MRTFB: variants seen among roughly 807,000 people sequenced by gnomAD.
MRTFB encodes myocardin-related transcription factor B.
MRTFB carries 29 observed loss-of-function variants against 104.2 expected under a neutral mutation model. That is an observed-to-expected ratio of 0.28 (90% confidence interval 0.21 to 0.38). MRTFB has a LOEUF of 0.38. Ranked by LOEUF, MRTFB falls within the 10% of genes least tolerant of loss-of-function variation. The probability of loss-of-function intolerance (pLI) is 1.00; values close to 1 mark genes in which losing one functional copy is unlikely to be tolerated. For missense variants in MRTFB, 1,270 were observed against 1,341.6 expected (o/e 0.95, Z 0.83); for synonymous variants, 535 against 519.5 (o/e 1.03, Z -0.41).
intron 3 of MRTFB, among the ~76,000 whole-genome samples, chr16:14,165,125 AT>A (rs2142943433): frequency 6.6e-6 from 1 of 151,766 alleles, no homozygotes; most frequent in South Asian, 2.1e-4. Context: ...TTAGTTTCCT[AT>A]CAGATGGGGT....
At position 14,087,143 on chromosome 16, in the gene MRTFB, A is replaced by G. The variant is rs2034760761; in HGVS notation, c.-64+7789A>G. On this transcript the variant is annotated intron_variant, in intron 2 of 16. Transcript: ENST00000571589. ...AGAATAGATCCCTAGCAAAGCCAACACTCGGGGCTTACTTCTGTAGTATCT... is the reference window on the plus strand; with the variant it reads ...AGAATAGATCCCTAGCAAAGCCAACGCTCGGGGCTTACTTCTGTAGTATCT... 2.6e-5 allele frequency among the ~76,000 whole-genome samples: 4 copies of G among 152,254 alleles called. No individual in the cohort carries two copies. In the South Asian group the frequency reaches 8.3e-4, roughly 32 times the overall value.
intron 2 of MRTFB, among the ~76,000 whole-genome samples, chr16:14,134,385 T>G (rs186476571): frequency 6.6e-6 from 1 of 152,258 alleles, no homozygotes; most frequent in African/African-American, 2.4e-5. Context: ...AAAGATGTCC[T>G]GTTTATATGT....
At chr16:14,253,974 C>T (rs2043369136) in intron 15 of MRTFB, among the ~76,000 whole-genome samples, 1 of 152,176 alleles carries the variant, frequency 6.6e-6, no homozygotes, top group African/African-American at 2.4e-5. Flanking sequence ...AGTGAATTGC[C>T]AAGAGCTTAA....
intron 2 of MRTFB, among the ~76,000 whole-genome samples, chr16:14,121,609 A>G (rs1320126500): frequency 6.6e-6 from 1 of 152,188 alleles, no homozygotes; most frequent in East Asian, 1.9e-4. Flanking sequence ...AAGTATAAAA[A>G]GAGTTGCAGA....
the MRTFB span, among the ~76,000 whole-genome samples, chr16:14,026,153 A>T: frequency 6.6e-6 from 1 of 152,210 alleles, no homozygotes; most frequent in Non-Finnish European, 1.5e-5. Flanking sequence ...AGGTAAAGAA[A>T]CTAAAACAGC....
At chr16:14,048,476 G>T in the MRTFB span, among the ~76,000 whole-genome samples, 7 of 152,314 alleles carry the variant, frequency 4.6e-5, no homozygotes, top group Middle Eastern at 3.4e-3. Flanking sequence ...AGTGTGGTGA[G>T]GCCTTGGGAG....
At chr16:14,170,136 T>G (rs1041860702) in intron 3 of MRTFB, 2 of 152,232 alleles carry the variant, frequency 1.3e-5, no homozygotes, top group Admixed American at 6.5e-5. Flanking sequence ...CTGTCACCCT[T>G]ACAGTGAACA....
At chr16:14,120,012 T>A (rs765350427) in intron 2 of MRTFB, among the ~76,000 whole-genome samples, 4 of 152,232 alleles carry the variant, frequency 2.6e-5, no homozygotes, top group Admixed American at 2.6e-4. Context: ...TGTCAGACTT[T>A]CAAATTTTTG....
chr16:14,032,412 C>T, the MRTFB span, among the ~76,000 whole-genome samples: 2 of 152,208 alleles, frequency 1.3e-5, no homozygotes, highest in Non-Finnish European at 2.9e-5. Flanking sequence ...AGCTCCACTC[C>T]GTTCCCCATA....
At chr16:14,202,133 A>C (rs2040734600) in intron 3 of MRTFB, among the ~76,000 whole-genome samples, 1 of 151,400 alleles carries the variant, frequency 6.6e-6, no homozygotes, top group African/African-American at 2.4e-5. Flanking sequence ...AAAAAAAAAA[A>C]GAGCTAGATT....
At chr16:14,076,199 TTC>T (rs1291697351) in intron 1 of MRTFB, among the ~76,000 whole-genome samples, 2 of 152,104 alleles carry the variant, frequency 1.3e-5, no homozygotes. Context: ...TACACTTCTT[TTC>T]TTTTTTTTGA....
intron 2 of MRTFB, among the ~76,000 whole-genome samples, chr16:14,088,584 A>G (rs991312654): frequency 6.6e-6 from 1 of 152,124 alleles, no homozygotes; most frequent in African/African-American, 2.4e-5. Context: ...ACCATCCTCT[A>G]TTTCTAATGC....
intron 3 of MRTFB, among the ~76,000 whole-genome samples, chr16:14,154,491 T>C (rs936599847): frequency 2.0e-5 from 3 of 152,224 alleles, no homozygotes; most frequent in Non-Finnish European, 4.4e-5. Context: ...AATTGCAATA[T>C]TTAGATCATT....
At chr16:14,073,213 C>G (rs958672592) in intron 1 of MRTFB, among the ~76,000 whole-genome samples, 1 of 152,118 alleles carries the variant, frequency 6.6e-6, no homozygotes, top group African/African-American at 2.4e-5. Context: ...TTAATCTGCC[C>G]GTTCATTTGA....
chr16:14,020,340 G>T, the MRTFB span: 1 of 152,028 alleles, frequency 6.6e-6, no homozygotes, highest in African/African-American at 2.4e-5. Context: ...TTACCTTGTC[G>T]TGTAGTCTTT....
chr16:14,204,765 T>G (rs1215957028), intron 3 of MRTFB, among the ~76,000 whole-genome samples: 1 of 152,250 alleles, frequency 6.6e-6, no homozygotes, highest in Non-Finnish European at 1.5e-5. Context: ...TGTTCACATA[T>G]GTCTGCTACA....
chr16:14,150,236 T>G (rs1474155681), intron 3 of MRTFB, among the ~76,000 whole-genome samples: 1 of 152,208 alleles, frequency 6.6e-6, no homozygotes, highest in Non-Finnish European at 1.5e-5. Flanking sequence ...TTTCATAAGA[T>G]TGCTCTGAGG....
At chr16:14,250,963 G>A (rs1028097281) in intron 13 of MRTFB, among the ~76,000 whole-genome samples, 4 of 152,164 alleles carry the variant, frequency 2.6e-5, no homozygotes, top group African/African-American at 4.8e-5. Context: ...GAGAAAAATC[G>A]TTTGGAATAT....
At chr16:14,245,760 A>G (rs975367982) in intron 11 of MRTFB, 100 bp downstream of exon 11, 4 of 1,274,544 alleles carry the variant, frequency 3.1e-6, no homozygotes, top group Non-Finnish European at 4.3e-6. Flanking sequence ...TTCAGTAGAC[A>G]TTCAACTTTA....
Sources: allele counts gnomAD v4.1 joint callset (sites outside exome capture counted in the v4.1 genomes callset), GRCh38; gene constraint gnomAD v4.1.1; transcripts MANE v1.5; gene names NCBI Gene and HGNC (gene_info 2026-07-23, HGNC 2026-07-21).